Variants in LYZL2 observed in about 807,000 individuals in gnomAD.
LYZL2 encodes the protein lysozyme-like protein 2.
Under a neutral mutation model 17.1 loss-of-function variants are expected in LYZL2, and 13 were observed. That is an observed-to-expected ratio of 0.76 (90% CI 0.49 to 1.21). The LOEUF is 1.21. Ranked by LOEUF, LYZL2 falls within the 50% of genes most tolerant of loss-of-function variation. The pLI, the probability that LYZL2 is intolerant of heterozygous loss-of-function variation, is 0.00. For missense variants in LYZL2, 166 were observed against 189.2 expected (o/e 0.88, Z 0.72); for synonymous variants, 63 against 74.4 (o/e 0.85, Z 0.79).
chr10:30,627,470 C>A (rs2132953212), intron 1 of LYZL2, among the ~76,000 whole-genome samples: 1 of 151,734 alleles, frequency 6.6e-6, no homozygotes, highest in African/African-American at 2.4e-5. Flanking sequence ...GATCCACTTC[C>A]ACTTAACAAA....
At chr10:30,607,298 A>C (rs561288846), downstream of LYZL2, among the ~76,000 whole-genome samples, 1 of 152,146 alleles carries the variant, frequency 6.6e-6, no homozygotes, top group South Asian at 2.1e-4. Context: ...CCTAACCAAT[A>C]AGGTGAGTAA....
At chr10:30,610,781 T>C (rs1027563224), downstream of LYZL2, among the ~76,000 whole-genome samples, 1 of 152,160 alleles carries the variant, frequency 6.6e-6, no homozygotes, top group African/African-American at 2.4e-5. Flanking sequence ...TGGATGGTTT[T>C]CTTCAATAGC....
downstream of LYZL2, among the ~76,000 whole-genome samples, chr10:30,610,174 A>G (rs1394305976): frequency 6.6e-6 from 1 of 152,142 alleles, no homozygotes; most frequent in African/African-American, 2.4e-5. Flanking sequence ...AAGTCTACTA[A>G]TTTGTGTTGG....
downstream of LYZL2, among the ~76,000 whole-genome samples, chr10:30,609,205 T>TA (rs1838406208): frequency 6.6e-6 from 1 of 152,180 alleles, no homozygotes; most frequent in Non-Finnish European, 1.5e-5. Flanking sequence ...GTGGACAATA[T>TA]AACAGTGAAA....
chr10:30,622,503 C>CT (rs143558798), intron 3 of LYZL2, among the ~76,000 whole-genome samples: 14,696 of 151,858 alleles, frequency 0.097, 912 homozygotes, highest in African/African-American at 0.17. Context: ...GAGCCAAGAT[C>CT]GCGCCACTGT....
At chr10:30,611,558 GGAAGGAAGGAAGGAAA>G (rs1320166937), downstream of LYZL2, among the ~76,000 whole-genome samples, 257 of 75,248 alleles carry the variant, frequency 3.4e-3, no homozygotes, top group East Asian at 0.011. Flanking sequence ...AAGGAAGGAA[GGAAGGAAGGAAGGAAA>G]GAAAGAAAGA....
intron 3 of LYZL2, among the ~76,000 whole-genome samples, chr10:30,613,526 A>G (rs532351427): frequency 1.3e-5 from 2 of 151,288 alleles, no homozygotes; most frequent in South Asian, 4.2e-4. Flanking sequence ...CACATAAGAC[A>G]GGATAGTATA....
intron 3 of LYZL2, among the ~76,000 whole-genome samples, chr10:30,615,802 A>G (rs1279757571): frequency 6.6e-6 from 1 of 152,154 alleles, no homozygotes; most frequent in Non-Finnish European, 1.5e-5. Context: ...CTTTATAGCC[A>G]CTCATGGCTA....
chr10:30,616,638 G>C (rs1346010987), intron 3 of LYZL2, among the ~76,000 whole-genome samples: 1 of 152,168 alleles, frequency 6.6e-6, no homozygotes, highest in Non-Finnish European at 1.5e-5. Context: ...CTCTATGTCA[G>C]GCACATGTTA....
rs182983569 is a variant in LYZL2, at chr10:30,617,235, G to A, written c.299-4335C>T. On this transcript the variant is annotated intron_variant, in intron 3 of 4. Coordinates refer to ENST00000647634, the MANE Select transcript of LYZL2 (RefSeq NM_183058.3). Reference sequence around the variant, plus strand: ...CAGTTTGCTTGGCTGGCAATGTTCTGTAAGGATTCCTGAAAGGGTCAGGCC... The same window carrying A: ...CAGTTTGCTTGGCTGGCAATGTTCTATAAGGATTCCTGAAAGGGTCAGGCC... Among the ~76,000 whole-genome samples, 8 of 152,268 alleles carry A rather than the reference G, an allele frequency of 5.3e-5. 1 individual carries two copies. The highest frequency in any genetic ancestry group is 5.2e-4 in the Admixed American group (8 of 15,296).
chr10:30,606,869 G>C (rs1838382746), downstream of LYZL2, among the ~76,000 whole-genome samples: 1 of 151,244 alleles, frequency 6.6e-6, no homozygotes, highest in Non-Finnish European at 1.5e-5. Flanking sequence ...CAACCAAATG[G>C]TAGATGATGG....
chr10:30,628,871 C>T (rs779187310), intron 1 of LYZL2, among the ~76,000 whole-genome samples: 5 of 152,158 alleles, frequency 3.3e-5, no homozygotes, highest in East Asian at 3.8e-4. Context: ...AAACCAGGCC[C>T]GCTTTTGTAT....
intron 2 of LYZL2, 70 bp downstream of exon 2, chr10:30,626,707 T>C (rs1838713069): frequency 6.3e-7 from 1 of 1,594,044 alleles, no homozygotes; most frequent in Non-Finnish European, 8.5e-7. Context: ...GCAGGGAGTG[T>C]AGCCAGGACC....
At chr10:30,612,518 A>T (rs1838460935) in intron 4 of LYZL2, among the ~76,000 whole-genome samples, 2 of 152,184 alleles carry the variant, frequency 1.3e-5, no homozygotes, top group Non-Finnish European at 2.9e-5. Context: ...CCCTCTGGTG[A>T]ATTGACTCAA....
chr10:30,612,573 T>C (rs1030456467), intron 4 of LYZL2, among the ~76,000 whole-genome samples: 3 of 152,230 alleles, frequency 2.0e-5, no homozygotes, highest in Non-Finnish European at 4.4e-5. Context: ...TCTCCATTGT[T>C]TGGAATATGT....
At chr10:30,611,562 G>GAAAGAAA (rs1564405809), downstream of LYZL2, among the ~76,000 whole-genome samples, 30 of 83,804 alleles carry the variant, frequency 3.6e-4, no homozygotes, top group African/African-American at 1.4e-3. Flanking sequence ...AAGGAAGGAA[G>GAAAGAAA]GAAGGAAGGA....
intron 3 of LYZL2, among the ~76,000 whole-genome samples, chr10:30,613,873 G>T (rs191552075): frequency 2.0e-5 from 3 of 151,954 alleles, no homozygotes; most frequent in African/African-American, 7.3e-5. Flanking sequence ...GCACCACCAC[G>T]CCTGACCATT....
chr10:30,620,872 A>G (rs985003921), intron 3 of LYZL2, among the ~76,000 whole-genome samples: 11 of 152,160 alleles, frequency 7.2e-5, no homozygotes, highest in African/African-American at 2.7e-4. Flanking sequence ...CATTAAAAAA[A>G]AAAGTAACAG....
At chr10:30,627,723 A>G (rs549964438) in intron 1 of LYZL2, among the ~76,000 whole-genome samples, 7 of 152,268 alleles carry the variant, frequency 4.6e-5, no homozygotes, top group African/African-American at 1.2e-4. Flanking sequence ...TGGGGAGTCA[A>G]AAGTTACATG....
Sources: allele counts gnomAD v4.1 joint callset (sites outside exome capture counted in the v4.1 genomes callset), GRCh38; gene constraint gnomAD v4.1.1; transcripts MANE v1.5; gene names NCBI Gene and HGNC (gene_info 2026-07-23, HGNC 2026-07-21).